Variants in MYLK4 observed in about 807,000 individuals in gnomAD.
MYLK4 encodes caMLCK like.
A neutral mutation model predicts 48.1 loss-of-function variants in MYLK4; 46 were observed. The observed-to-expected ratio is 0.96, with a 90% CI of 0.75 to 1.22. The LOEUF (loss-of-function observed/expected upper bound fraction) is 1.22. Ranked by LOEUF, MYLK4 falls within the 50% of genes most tolerant of loss-of-function variation. The pLI, the probability that MYLK4 is intolerant of heterozygous loss-of-function variation, is 0.00. For synonymous variants in MYLK4, 170 were observed against 180.8 expected, an observed-to-expected ratio of 0.94 and a Z score of 0.48; for missense variants, 451 against 486.1, an observed-to-expected ratio of 0.93 and a Z score of 0.68.
intron 9 of MYLK4, 61 bp from the exon 10 acceptor site, chr6:2,678,433 G>C: frequency 6.4e-7 from 1 of 1,556,258 alleles, no homozygotes; most frequent in Non-Finnish European, 8.7e-7. Flanking sequence ...TTTCCATACA[G>C]ATTGCTTTTC....
intron 2 of MYLK4, among the ~76,000 whole-genome samples, chr6:2,744,383 G>A (rs1031083536): frequency 4.6e-5 from 7 of 152,234 alleles, no homozygotes; most frequent in Admixed American, 2.0e-4. Flanking sequence ...GCTGGCTGCC[G>A]AGGCTGGGCC....
intron 2 of MYLK4, among the ~76,000 whole-genome samples, chr6:2,695,724 G>C (rs1435222906): frequency 6.6e-6 from 1 of 152,222 alleles, no homozygotes; most frequent in African/African-American, 2.4e-5. Context: ...TTCCAGGACA[G>C]ACGCTGTATT....
chr6:2,768,169 C>T, the MYLK4 span, among the ~76,000 whole-genome samples: 1 of 152,196 alleles, frequency 6.6e-6, no homozygotes, highest in Non-Finnish European at 1.5e-5. Flanking sequence ...GCAGAAGTGG[C>T]CTACAGTCAT....
At chr6:2,724,046 T>C (rs1763162448) in intron 2 of MYLK4, among the ~76,000 whole-genome samples, 1 of 151,844 alleles carries the variant, frequency 6.6e-6, no homozygotes, top group African/African-American at 2.4e-5. Context: ...CTGGGATAAT[T>C]TTTGTATTTT....
intron 2 of MYLK4, among the ~76,000 whole-genome samples, chr6:2,701,247 C>T (rs1366745127): frequency 2.0e-5 from 3 of 152,174 alleles, no homozygotes; most frequent in Admixed American, 6.5e-5. Flanking sequence ...ATGGGGTTCT[C>T]GGTATGCTTT....
At chr6:2,762,933 T>C in the MYLK4 span, among the ~76,000 whole-genome samples, 1 of 152,116 alleles carries the variant, frequency 6.6e-6, no homozygotes, top group Non-Finnish European at 1.5e-5. Context: ...TACCACTCAT[T>C]AAGACAATTC....
intron 2 of MYLK4, among the ~76,000 whole-genome samples, chr6:2,739,003 T>A (rs1763797574): frequency 6.6e-6 from 1 of 152,208 alleles, no homozygotes; most frequent in African/African-American, 2.4e-5. Flanking sequence ...TATTTTGAAT[T>A]CAGTTAAAAT....
chr6:2,681,764 T>C (rs553493283), intron 7 of MYLK4, among the ~76,000 whole-genome samples: 44 of 152,302 alleles, frequency 2.9e-4, no homozygotes, highest in Admixed American at 9.8e-4. Context: ...TGATGATCTC[T>C]GCATCCAAGC....
chr6:2,685,749 G>A lies in MYLK4; in HGVS notation c.342-173C>T, dbSNP rs1308664280. Among the ~76,000 whole-genome samples, 1 of 152,032 alleles carries A rather than the reference G, an allele frequency of 6.6e-6. No homozygotes were observed. The highest frequency in any genetic ancestry group is 1.5e-5 in the Non-Finnish European group (1 of 68,004). Reference sequence around the variant, plus strand: ...TCAACATGTGGTGTGTGGATCACTTGCATCAGAATCACCTGGGAGCTGTTA... The same window carrying A: ...TCAACATGTGGTGTGTGGATCACTTACATCAGAATCACCTGGGAGCTGTTA... On this transcript the variant is annotated intron_variant, in intron 4 of 12. Transcript: ENST00000274643. The surrounding 1 kb of genome is among the most constrained non-coding windows in gnomAD (Gnocchi z 4.5).
intron 2 of MYLK4, among the ~76,000 whole-genome samples, chr6:2,723,665 C>A (rs1053103782): frequency 1.3e-5 from 2 of 152,162 alleles, no homozygotes; most frequent in Non-Finnish European, 2.9e-5. Flanking sequence ...TTTGCATCCT[C>A]AATAAGAGCT....
upstream of MYLK4, among the ~76,000 whole-genome samples, chr6:2,754,457 A>T (rs1338560742): frequency 6.6e-6 from 1 of 152,052 alleles, no homozygotes; most frequent in Non-Finnish European, 1.5e-5. Flanking sequence ...TTCCATTTGT[A>T]TAAAATGCTC....
chr6:2,713,804 C>T (rs1762768629), intron 2 of MYLK4, among the ~76,000 whole-genome samples: 1 of 152,218 alleles, frequency 6.6e-6, no homozygotes, highest in South Asian at 2.1e-4. Flanking sequence ...GCTGGCAAAG[C>T]TGCCCTGAGC....
intron 2 of MYLK4, among the ~76,000 whole-genome samples, chr6:2,697,144 G>A (rs1762092281): frequency 6.6e-6 from 1 of 152,238 alleles, no homozygotes; most frequent in Non-Finnish European, 1.5e-5. Flanking sequence ...ATATCGCGGA[G>A]TGCTTTAAAA....
At chr6:2,717,290 A>G (rs1440979609) in intron 2 of MYLK4, among the ~76,000 whole-genome samples, 1 of 152,172 alleles carries the variant, frequency 6.6e-6, no homozygotes, top group Non-Finnish European at 1.5e-5. Context: ...TCTTCTTGGT[A>G]GAAGTTCACA....
intron 2 of MYLK4, among the ~76,000 whole-genome samples, chr6:2,700,223 G>A (rs1038918756): frequency 2.6e-5 from 4 of 152,046 alleles, no homozygotes; most frequent in African/African-American, 9.7e-5. Flanking sequence ...CACCCCACCT[G>A]TTTTTGTTAT....
At chr6:2,769,818 G>T in the MYLK4 span, among the ~76,000 whole-genome samples, 47 of 152,130 alleles carry the variant, frequency 3.1e-4, no homozygotes, top group South Asian at 1.2e-3. Context: ...GGTAGAAGAT[G>T]GTTTTCTGAG....
chr6:2,678,144 T>C, intron 10 of MYLK4, 76 bp downstream of exon 10: 1 of 1,526,064 alleles, frequency 6.6e-7, no homozygotes, highest in Non-Finnish European at 8.9e-7. Context: ...GAGAATAAAT[T>C]CGAACAGCCC....
the MYLK4 span, chr6:2,765,898 C>CGAGGGCGAGGGCGAG: frequency 6.9e-7 from 1 of 1,454,780 alleles, no homozygotes; most frequent in Non-Finnish European, 9.0e-7. Flanking sequence ...CCGAGAGCAG[C>CGAGGGCGAGGGCGAG]GAGGGCGAGG....
chr6:2,703,739 C>A (rs142031830), intron 2 of MYLK4, among the ~76,000 whole-genome samples: 1 of 121,750 alleles, frequency 8.2e-6, no homozygotes. Context: ...AGCACGATTT[C>A]GGCTCACTGC....
Sources: gnomAD v4.1 joint callset for allele counts (sites outside exome capture counted in the v4.1 genomes callset) on GRCh38, gnomAD v4.1.1 for gene constraint, Gnocchi (gnomAD v3.1) non-coding constraint, MANE v1.5 for transcripts, NCBI Gene and HGNC (gene_info 2026-07-23, HGNC 2026-07-21) for gene names.